Variants in SLC30A9 observed in about 807,000 individuals in gnomAD.
SLC30A9 encodes solute carrier family 30 member 9.
In SLC30A9, 58 loss-of-function variants were observed where a neutral mutation model predicts 87.5. The ratio of observed to expected loss-of-function variants is 0.66; its 90% CI spans 0.54 to 0.82. The LOEUF (loss-of-function observed/expected upper bound fraction) is 0.82. Among genes scored for constraint, SLC30A9 ranks in the 40% least tolerant of loss-of-function variants. SLC30A9 has a pLI of 0.00. For synonymous variants in SLC30A9, 234 were observed against 233.0 expected (o/e 1.00, Z -0.04); for missense variants, 557 against 679.1 (o/e 0.82, Z 2.00).
At chr4:42,012,880 A>G (rs1715511722) in intron 2 of SLC30A9, among the ~76,000 whole-genome samples, 1 of 152,220 alleles carries the variant, frequency 6.6e-6, no homozygotes, top group African/African-American at 2.4e-5. Flanking sequence ...GACAACAAAG[A>G]ACAAGAAATG....
chr4:41,992,081 C>T (rs1047575752), intron 1 of SLC30A9, among the ~76,000 whole-genome samples: 3 of 151,978 alleles, frequency 2.0e-5, no homozygotes. Context: ...TGCTGCTAAT[C>T]CTCAGGAAGA....
intron 2 of SLC30A9, among the ~76,000 whole-genome samples, chr4:42,007,088 G>A (rs1012616294): frequency 7.2e-5 from 11 of 152,292 alleles, no homozygotes; most frequent in African/African-American, 1.9e-4. Flanking sequence ...GGTTGCAAAG[G>A]AGGGAGATTG....
intron 1 of SLC30A9, among the ~76,000 whole-genome samples, chr4:41,991,584 A>G (rs571665801): frequency 1.3e-5 from 2 of 152,294 alleles, no homozygotes; most frequent in South Asian, 4.1e-4. Context: ...CCCTTAACCT[A>G]ATCCCTCCAT....
Position 42,075,670 on chromosome 4 carries a change from G to A in SLC30A9, c.1432G>A (p.Val478Ile), listed in dbSNP as rs909489751. Residue 478 changes from valine (V) to isoleucine (I), a missense_variant, in exon 16 of 18, where the codon GTT (valine) becomes ATT (isoleucine). Coordinates refer to ENST00000264451, the MANE Select transcript of SLC30A9 (RefSeq NM_006345.4). ...NDPSVRAIHD[V>I]KATDLGLGKV... is the part of the protein sequence containing the mutation. ...TATTGATTGCAGGGCAATTCATGAT[G>A]TTAAAGCCACAGATCTGGGATTAGG... 1.3e-5 allele frequency: 21 copies of A among 1,613,346 alleles called. No homozygotes were observed. The highest frequency in any genetic ancestry group is 1.5e-5 in the Non-Finnish European group (18 of 1,179,666).
intron 9 of SLC30A9, among the ~76,000 whole-genome samples, chr4:42,051,339 ACACT>A (rs1006742782): frequency 2.0e-5 from 3 of 152,220 alleles, no homozygotes; most frequent in African/African-American, 7.2e-5. Flanking sequence ...CAAAATCCAA[ACACT>A]CAGTATAACA....
At chr4:42,042,065 A>G (rs951565148) in intron 8 of SLC30A9, among the ~76,000 whole-genome samples, 13 of 152,224 alleles carry the variant, frequency 8.5e-5, no homozygotes, top group Admixed American at 2.0e-4. Flanking sequence ...CACAACCCAC[A>G]GACCAGGAGA....
At chr4:42,012,928 G>A (rs79649138) in intron 2 of SLC30A9, among the ~76,000 whole-genome samples, 220 of 152,224 alleles carry the variant, frequency 1.4e-3, no homozygotes, top group Non-Finnish European at 2.5e-3. Context: ...TAATAAAACA[G>A]TAAACTTTTT....
At chr4:41,990,824 G>A in intron 1 of SLC30A9, 64 bp downstream of exon 1, 1 of 1,226,602 alleles carries the variant, frequency 8.2e-7, no homozygotes, top group African/African-American at 1.5e-5. Flanking sequence ...GCTGGGCTCG[G>A]CGCCTCGCCT....
chr4:42,045,059 G>A (rs1312204160), intron 8 of SLC30A9, among the ~76,000 whole-genome samples: 1 of 152,182 alleles, frequency 6.6e-6, no homozygotes, highest in Non-Finnish European at 1.5e-5. Flanking sequence ...CATAGCTAAA[G>A]CAGTGTTTAG....
At chr4:42,018,030 T>A (rs1715793454) in intron 2 of SLC30A9, 81 bp from the exon 3 acceptor site, 1 of 761,358 alleles carries the variant, frequency 1.3e-6, no homozygotes, top group South Asian at 1.6e-5. Flanking sequence ...CATTGCTATA[T>A]TACATTGGCT....
chr4:42,047,826 C>T (rs1274207139), intron 8 of SLC30A9, among the ~76,000 whole-genome samples: 2 of 152,076 alleles, frequency 1.3e-5, no homozygotes, highest in Non-Finnish European at 2.9e-5. Flanking sequence ...TGGAGCCAAC[C>T]CAGATGCCCA....
Position 42,030,460 on chromosome 4 carries a change from C to CTA in SLC30A9, c.611-4812_611-4811dup, listed in dbSNP as rs1716377575. 2.0e-5 allele frequency among the ~76,000 whole-genome samples: 3 copies of CTA among 152,060 alleles called. 1 individual carries two copies. In the South Asian group the frequency reaches 6.2e-4, roughly 32 times the overall value. On this transcript the variant is annotated intron_variant, in intron 6 of 17. Coordinates refer to ENST00000264451, the MANE Select transcript of SLC30A9 (RefSeq NM_006345.4). ...CCTATATTTTATTTAATGTATAGTA[C>CTA]TATAGGTGCATACTCTGGTCCTTTT... is the stretch of plus-strand genomic sequence containing the variant.
At chr4:42,024,492 T>C (rs1466580767) in intron 6 of SLC30A9, among the ~76,000 whole-genome samples, 2 of 152,268 alleles carry the variant, frequency 1.3e-5, no homozygotes, top group African/African-American at 2.4e-5. Flanking sequence ...CTTCAGTTTT[T>C]CACTGTTAGA....
At chr4:42,028,336 G>T (rs183761623) in intron 6 of SLC30A9, among the ~76,000 whole-genome samples, 3 of 152,258 alleles carry the variant, frequency 2.0e-5, no homozygotes, top group Non-Finnish European at 4.4e-5. Flanking sequence ...AGCCAGGATG[G>T]TCTCCATCTC....
chr4:42,027,657 A>AT (rs1263047418), intron 6 of SLC30A9, among the ~76,000 whole-genome samples: 2 of 152,206 alleles, frequency 1.3e-5, no homozygotes, highest in Non-Finnish European at 2.9e-5. Flanking sequence ...TACTAGATTA[A>AT]TCAATCATCA....
intron 10 of SLC30A9, among the ~76,000 whole-genome samples, chr4:42,060,763 A>G (rs1281611356): frequency 6.6e-6 from 1 of 152,082 alleles, no homozygotes; most frequent in Non-Finnish European, 1.5e-5. Context: ...ATTTTTTTCT[A>G]TTGCTTCTAT....
intron 9 of SLC30A9, among the ~76,000 whole-genome samples, chr4:42,057,336 G>T (rs1717664446): frequency 6.6e-6 from 1 of 152,180 alleles, no homozygotes; most frequent in South Asian, 2.1e-4. Context: ...TGGGCATCCA[G>T]GTGTTTCCCA....
intron 6 of SLC30A9, among the ~76,000 whole-genome samples, chr4:42,033,813 G>C (rs1716558546): frequency 6.6e-6 from 1 of 152,164 alleles, no homozygotes; most frequent in Non-Finnish European, 1.5e-5. Flanking sequence ...CTGACCTTGT[G>C]ATCCACCCGC....
At chr4:42,062,939 G>C (rs548587638) in intron 10 of SLC30A9, 47 bp from the exon 11 acceptor site, 1 of 1,543,762 alleles carries the variant, frequency 6.5e-7, no homozygotes, top group African/African-American at 1.4e-5. Context: ...TATTTTAAAA[G>C]AAACCATTTG....
Sources: allele counts gnomAD v4.1 joint callset (sites outside exome capture counted in the v4.1 genomes callset), GRCh38; gene constraint gnomAD v4.1.1; transcripts MANE v1.5; gene names NCBI Gene and HGNC (gene_info 2026-07-23, HGNC 2026-07-21).